Variants in PTPRN observed in about 807,000 individuals in gnomAD.
PTPRN encodes receptor-type tyrosine-protein phosphatase-like N.
PTPRN carries 70 observed loss-of-function variants against 108.5 expected under a neutral mutation model. That is an observed-to-expected ratio of 0.65 (90% confidence interval 0.53 to 0.79). PTPRN has a LOEUF of 0.79. Among genes scored for constraint, PTPRN ranks in the 30% least tolerant of loss-of-function variants. The pLI is 0.00. For missense variants in PTPRN, 1,136 were observed against 1,295.5 expected (o/e 0.88, Z 1.89); for synonymous variants, 496 against 524.6 (o/e 0.95, Z 0.75).
chr2:219,307,863 A>C (rs1384007078), intron 1 of PTPRN, 21 bp from the exon 2 acceptor site: 1 of 1,613,060 alleles, frequency 6.2e-7, no homozygotes, highest in African/African-American at 1.3e-5. Context: ...AAAGGTGAGC[A>C]GAGGCTCAGA....
At chr2:219,302,900 C>T in intron 4 of PTPRN, 63 bp from the exon 5 acceptor site, 1 of 1,546,968 alleles carries the variant, frequency 6.5e-7, no homozygotes, top group Middle Eastern at 2.1e-4. Flanking sequence ...GCCTGCAAGG[C>T]AGAACTATTC....
chr2:219,295,137 T>A lies in PTPRN; in HGVS notation c.2513A>T (p.Asn838Ile). Residue 838 changes from asparagine to isoleucine, a missense_variant, in exon 19 of 23, where the codon AAC becomes ATC. Transcript: ENST00000295718. ...GASLYHVYEV[N>I]LVSEHIWCED... is the part of the protein sequence containing the mutation. The stretch of plus-strand genomic sequence containing the variant: ...GCACCAGATGTGCTCCGACACCAGG[T>A]TCACCTGCCCGGCAGGGGCCCAGGC... 6.2e-7 allele frequency: 1 copy of A among 1,609,314 alleles called. No homozygotes were observed. Among genetic ancestry groups the A allele is most frequent in the Non-Finnish European group, 8.5e-7 (1 of 1,177,908 alleles).
Position 219,290,396 on chromosome 2 carries a change from C to G in PTPRN, c.2869-99G>C, listed in dbSNP as rs1397266713. On this transcript the variant is annotated intron_variant, in intron 22 of 22. Transcript: ENST00000295718. This position sits in a 1 kb window ranked among gnomAD's most constrained non-coding sequence, Gnocchi z 4.2. ...GGTGGGGGGAGGGCCCTGGGCAGGT[C>G]CCCTGGGAGGAAGGGAGCCCTCCTG... 4 of 1,409,922 alleles carry G rather than the reference C, an allele frequency of 2.8e-6. No individual in the cohort carries two copies. The South Asian group carries it at 4.9e-5, about 17-fold the overall frequency. The allele number at this position is 1,409,922 out of a possible 1,614,324, so 87.3% of individuals were successfully genotyped here.
chr2:219,290,324 C>A lies in PTPRN; in HGVS notation c.2869-27G>T, dbSNP rs945075947. On this transcript the variant is annotated intron_variant, in intron 22 of 22. Transcript: ENST00000295718. This position sits in a 1 kb window ranked among gnomAD's most constrained non-coding sequence, Gnocchi z 4.2. ...TGAGGAAGGGCAGTGGTAGGATGGT[C>A]ATGGAGAGGGCTGACCTGTGCTCTG... 6.2e-7 allele frequency: 1 copy of A among 1,606,922 alleles called. No homozygotes were observed. Among genetic ancestry groups the A allele is most frequent in the South Asian group, 1.1e-5 (1 of 90,570 alleles).
At chr2:219,303,311 C>A (rs890468745) in intron 4 of PTPRN, among the ~76,000 whole-genome samples, 1 of 152,194 alleles carries the variant, frequency 6.6e-6, no homozygotes, top group African/African-American at 2.4e-5. Flanking sequence ...CTCCCTAAAC[C>A]TCATTTACTT....
intron 3 of PTPRN, among the ~76,000 whole-genome samples, chr2:219,306,662 C>A (rs1009940724): frequency 2.0e-5 from 3 of 152,230 alleles, no homozygotes; most frequent in Non-Finnish European, 2.9e-5. Context: ...ACCTACCTGA[C>A]CTCACCTTCT....
intron 12 of PTPRN, among the ~76,000 whole-genome samples, chr2:219,298,664 C>T (rs1239123521): frequency 2.0e-5 from 3 of 152,174 alleles, no homozygotes; most frequent in African/African-American, 4.8e-5. Context: ...GAGCCGAGAT[C>T]GAGCCACTGC....
intron 19 of PTPRN, among the ~76,000 whole-genome samples, chr2:219,294,707 G>A (rs1254325449): frequency 2.0e-5 from 3 of 152,076 alleles, no homozygotes; most frequent in East Asian, 1.9e-4. Context: ...GGAGGAGAAG[G>A]AGCCAGTCCC....
intron 1 of PTPRN, 132 bp from the exon 2 acceptor site, chr2:219,307,974 G>A (rs1952526017): frequency 7.0e-6 from 6 of 857,616 alleles, no homozygotes; most frequent in Non-Finnish European, 1.1e-5. Context: ...AAGCTGGGAG[G>A]AGAGTAGGAA....
chr2:219,302,263 T>C lies in PTPRN; in HGVS notation c.868A>G (p.Arg290Gly). ...YLAQELPAPS[R>G]ARVPRLPEQG... ...TCTGGCAGCCTTGGCACCCTGGCCC[T>C]GCTGGGTGCTGGCAACTCCTGGGCC... The change falls in exon 6 of 23, where the codon AGG becomes GGG. Residue 290 changes from arginine (R) to glycine (G), a missense_variant. Coordinates refer to ENST00000295718, the MANE Select transcript of PTPRN (RefSeq NM_002846.4). 6.2e-7 allele frequency: 1 copy of C among 1,614,194 alleles called. No homozygotes were observed. The highest frequency in any genetic ancestry group is 8.5e-7 in the Non-Finnish European group (1 of 1,180,026).
intron 4 of PTPRN, among the ~76,000 whole-genome samples, 177 bp downstream of exon 4, chr2:219,303,558 G>A (rs1331234383): frequency 1.3e-5 from 2 of 152,202 alleles, no homozygotes; most frequent in Non-Finnish European, 2.9e-5. Flanking sequence ...CTAGAGATGA[G>A]CTCAGCTCCT....
In PTPRN at chr2:219,309,148, C is replaced by G; in HGVS notation, c.115+70G>C. ...TCATGACATTTCACCCTCACCCCCACCGAGTTTCGCTCCAGGCCCCAAGCT... is the reference window on the plus strand; with the variant it reads ...TCATGACATTTCACCCTCACCCCCAGCGAGTTTCGCTCCAGGCCCCAAGCT... On this transcript the variant is annotated intron_variant, in intron 1 of 22. Coordinates refer to ENST00000295718, the MANE Select transcript of PTPRN (RefSeq NM_002846.4). The G allele has an allele frequency of 2.1e-6, 3 of 1,448,626 alleles. No homozygotes were observed. The African/African-American group carries it at 4.3e-5, about 21-fold the overall frequency. 89.7% of individuals were successfully genotyped at this position (1,448,626 alleles called of 1,614,324 possible). A position where few individuals can be genotyped will look rare whatever the true frequency, so the allele number is the denominator to read the frequency against.
chr2:219,300,730 G>A (rs749311617), intron 8 of PTPRN, among the ~76,000 whole-genome samples: 18 of 152,196 alleles, frequency 1.2e-4, no homozygotes, highest in Admixed American at 4.6e-4. Flanking sequence ...AGTGAAAAGA[G>A]GAATGAATTA....
chr2:219,293,408 G>C (rs1952097855), intron 19 of PTPRN, among the ~76,000 whole-genome samples: 1 of 152,098 alleles, frequency 6.6e-6, no homozygotes, highest in Non-Finnish European at 1.5e-5. Context: ...TTGAACTCCT[G>C]ATCTCAAGTG....
chr2:219,299,426 C>A, intron 10 of PTPRN, 42 bp from the exon 11 acceptor site: 1 of 1,593,222 alleles, frequency 6.3e-7, no homozygotes, highest in African/African-American at 1.3e-5. Context: ...CCACCCCAGA[C>A]CGCAGACTTC....
Position 219,296,140 on chromosome 2 carries a change from G to A in PTPRN, c.2508+86C>T, listed in dbSNP as rs886587342. 24 of 1,578,218 alleles carry A rather than the reference G, an allele frequency of 1.5e-5. No individual in the cohort carries two copies. In the African/African-American group the frequency reaches 2.7e-4, roughly 18 times the overall value. ...AGCCTTTTTAAAAAGACTGTTGAGT[G>A]CTCATTTGGTGAAGAAAACGTTACG... On this transcript the variant is annotated intron_variant, in intron 18 of 22. Transcript: ENST00000295718. This position sits in a 1 kb window ranked among gnomAD's most constrained non-coding sequence, Gnocchi z 6.0.
chr2:219,302,098 C>T (rs763278786), intron 6 of PTPRN, 39 bp downstream of exon 6: 18 of 1,507,922 alleles, frequency 1.2e-5, no homozygotes, highest in Non-Finnish European at 1.5e-5. Context: ...TCCCCCAAAG[C>T]AGCCCTCACA....
rs780398551 is a variant in PTPRN at position 219,297,467 on chromosome 2, C to G, written c.1888-34G>C. On this transcript the variant is annotated intron_variant, in intron 13 of 22. Transcript: ENST00000295718. This position sits in a 1 kb window ranked among gnomAD's most constrained non-coding sequence, Gnocchi z 6.0. ...GAAGAATCAGGTGAGGTCCAAGAGT[C>G]CCCTGAAACTTTTCAACAGGGCCCT... 1.7e-5 allele frequency: 28 copies of G among 1,606,320 alleles called. No homozygotes were observed. The highest frequency in any genetic ancestry group is 4.3e-6 in the Non-Finnish European group (5 of 1,173,930).
chr2:219,305,985 A>G (rs1559305428), intron 3 of PTPRN, among the ~76,000 whole-genome samples: 1 of 152,118 alleles, frequency 6.6e-6, no homozygotes, highest in Non-Finnish European at 1.5e-5. Flanking sequence ...CCCTGTCTCT[A>G]TTAAAAATAC....
Sources: gnomAD v4.1 joint callset for allele counts (sites outside exome capture counted in the v4.1 genomes callset) on GRCh38, gnomAD v4.1.1 for gene constraint, Gnocchi (gnomAD v3.1) non-coding constraint, MANE v1.5 for transcripts, NCBI Gene and HGNC (gene_info 2026-07-23, HGNC 2026-07-21) for gene names.